Variants in PRR16 observed in about 807,000 individuals in gnomAD.
The protein encoded by PRR16 is protein Largen.
A neutral mutation model predicts 18.2 loss-of-function variants in PRR16; 6 were observed. The observed-to-expected ratio is 0.33, with a 90% CI of 0.18 to 0.65. PRR16 has a LOEUF of 0.65. Among genes scored for constraint, PRR16 ranks in the 30% least tolerant of loss-of-function variants. The pLI is 0.74. For missense variants in PRR16, 412 were observed against 376.6 expected (o/e 1.09, Z -0.78); for synonymous variants, 151 against 147.8 (o/e 1.02, Z -0.16).
At chr5:120,657,038 G>T (rs114895227) in intron 1 of PRR16, among the ~76,000 whole-genome samples, 1 of 151,926 alleles carries the variant, frequency 6.6e-6, no homozygotes, top group Non-Finnish European at 1.5e-5. Flanking sequence ...TAGATTGTTC[G>T]AAAGAAGATT....
chr5:120,552,461 C>T (rs1257180631), intron 1 of PRR16, among the ~76,000 whole-genome samples: 1 of 151,778 alleles, frequency 6.6e-6, no homozygotes, highest in Non-Finnish European at 1.5e-5. Context: ...CAATATTTAT[C>T]ATTTTTACTA....
intron 1 of PRR16, among the ~76,000 whole-genome samples, chr5:120,580,840 A>G (rs1180033167): frequency 6.6e-6 from 1 of 152,200 alleles, no homozygotes; most frequent in Non-Finnish European, 1.5e-5. Context: ...TGATTTGCAT[A>G]TGTTGAACCA....
intron 1 of PRR16, among the ~76,000 whole-genome samples, chr5:120,508,108 T>C (rs1271775898): frequency 1.3e-5 from 2 of 152,106 alleles, no homozygotes; most frequent in Non-Finnish European, 2.9e-5. Flanking sequence ...GGAAAGCTTT[T>C]AAAGGGAGCA....
intron 1 of PRR16, among the ~76,000 whole-genome samples, chr5:120,595,388 A>G (rs112236051): frequency 8.0e-4 from 122 of 151,980 alleles, no homozygotes; most frequent in Non-Finnish European, 1.3e-3. Context: ...CAAATCCACA[A>G]TGAGATACCA....
the PRR16 span, among the ~76,000 whole-genome samples, chr5:120,755,187 T>A: frequency 2.0e-5 from 3 of 151,336 alleles, no homozygotes; most frequent in Admixed American, 1.3e-4. Context: ...ACTTAGAGTA[T>A]AATAATAATA....
At chr5:120,496,336 C>A (rs1750244481) in intron 1 of PRR16, among the ~76,000 whole-genome samples, 1 of 151,974 alleles carries the variant, frequency 6.6e-6, no homozygotes, top group Non-Finnish European at 1.5e-5. Flanking sequence ...TCTGGAACTG[C>A]AGATTTTCTT....
chr5:120,619,803 C>G (rs1018019326), intron 1 of PRR16, among the ~76,000 whole-genome samples: 1 of 151,942 alleles, frequency 6.6e-6, no homozygotes, highest in African/African-American at 2.4e-5. Context: ...GCACTTTGCA[C>G]TATGCACTGT....
the PRR16 span, among the ~76,000 whole-genome samples, chr5:120,718,755 AGT>A: frequency 6.6e-6 from 1 of 152,102 alleles, no homozygotes. Flanking sequence ...CCTACCAATG[AGT>A]TATGAGGGTT....
chr5:120,636,862 G>C (rs1755244334), intron 1 of PRR16, among the ~76,000 whole-genome samples: 1 of 151,964 alleles, frequency 6.6e-6, no homozygotes, highest in African/African-American at 2.4e-5. Context: ...AACCCACAGA[G>C]TGAGAGAAAA....
At chr5:120,481,041 A>T (rs1749593741) in intron 1 of PRR16, 3 of 1,009,822 alleles carry the variant, frequency 3.0e-6, no homozygotes, top group Non-Finnish European at 3.7e-6. Flanking sequence ...AGTATTTTTC[A>T]ATATAAAGTA....
At chr5:120,700,604 CT>C in the PRR16 span, among the ~76,000 whole-genome samples, 9 of 151,438 alleles carry the variant, frequency 5.9e-5, no homozygotes, top group African/African-American at 2.2e-4. Context: ...AAAAGGAGTG[CT>C]TAAAAGAGTA....
chr5:120,526,167 G>A (rs771003258), intron 1 of PRR16, among the ~76,000 whole-genome samples: 3 of 152,236 alleles, frequency 2.0e-5, no homozygotes, highest in Non-Finnish European at 4.4e-5. Context: ...CACAGGTACT[G>A]TGGGTCTGGA....
At chr5:120,623,094 A>C (rs1754744855) in intron 1 of PRR16, among the ~76,000 whole-genome samples, 1 of 152,136 alleles carries the variant, frequency 6.6e-6, no homozygotes, top group African/African-American at 2.4e-5. Flanking sequence ...TATTTACAGA[A>C]TATACCACCA....
At chr5:120,482,575 G>C (rs1055287148) in intron 1 of PRR16, among the ~76,000 whole-genome samples, 5 of 152,120 alleles carry the variant, frequency 3.3e-5, no homozygotes, top group African/African-American at 1.2e-4. Flanking sequence ...ATTATGAATA[G>C]TGATGCGATG....
chr5:120,759,262 C>T, the PRR16 span, among the ~76,000 whole-genome samples: 1 of 152,028 alleles, frequency 6.6e-6, no homozygotes, highest in Non-Finnish European at 1.5e-5. Flanking sequence ...AGGCGTGAGC[C>T]ACCACACCCA....
the PRR16 span, among the ~76,000 whole-genome samples, chr5:120,711,682 T>C: frequency 2.6e-5 from 4 of 152,228 alleles, no homozygotes; most frequent in African/African-American, 9.6e-5. Flanking sequence ...GAAGCTGTGC[T>C]GTACAAAGTC....
intron 1 of PRR16, among the ~76,000 whole-genome samples, chr5:120,550,096 A>C (rs1752204912): frequency 6.6e-6 from 1 of 152,038 alleles, no homozygotes; most frequent in Admixed American, 6.6e-5. Flanking sequence ...TGATTCATAA[A>C]AATGTTATTA....
intron 1 of PRR16, among the ~76,000 whole-genome samples, chr5:120,505,669 A>G (rs1397678071): frequency 2.0e-5 from 3 of 152,118 alleles, no homozygotes; most frequent in Non-Finnish European, 4.4e-5. Flanking sequence ...TTTATAACAG[A>G]TTGCTGCAGA....
At chr5:120,736,795 A>G in the PRR16 span, among the ~76,000 whole-genome samples, 1 of 152,000 alleles carries the variant, frequency 6.6e-6, no homozygotes, top group Non-Finnish European at 1.5e-5. Context: ...TTTAGTGCAT[A>G]AGTCTTTTGT....
Sources: allele counts gnomAD v4.1 joint callset (sites outside exome capture counted in the v4.1 genomes callset), GRCh38; gene constraint gnomAD v4.1.1; transcripts MANE v1.5; gene names NCBI Gene and HGNC (gene_info 2026-07-23, HGNC 2026-07-21).